MRPS28: variants seen among roughly 807,000 people sequenced by gnomAD.
MRPS28 encodes small ribosomal subunit protein bS1m.
In MRPS28, 7 loss-of-function variants were observed where a neutral mutation model predicts 10.8. The observed-to-expected ratio is 0.65, with a 90% CI of 0.37 to 1.22. The LOEUF is 1.22. Among genes scored for constraint, MRPS28 ranks in the 50% most tolerant of loss-of-function variants. MRPS28 has a pLI of 0.02. For missense variants in MRPS28, 265 were observed against 232.9 expected (o/e 1.14, Z -0.90); for synonymous variants, 121 against 93.3 (o/e 1.30, Z -1.71).
At chr8:80,022,427 T>C (rs1045528547) in intron 1 of MRPS28, among the ~76,000 whole-genome samples, 2 of 152,250 alleles carry the variant, frequency 1.3e-5, no homozygotes, top group Non-Finnish European at 1.5e-5. Flanking sequence ...GGATAAATAC[T>C]GTGTGTCCCA....
At chr8:79,985,735 G>C (rs1808138058) in intron 2 of MRPS28, among the ~76,000 whole-genome samples, 2 of 152,172 alleles carry the variant, frequency 1.3e-5, no homozygotes, top group South Asian at 4.1e-4. Context: ...GGAAGAAGTT[G>C]ACTCTCTGAA....
intron 2 of MRPS28, among the ~76,000 whole-genome samples, chr8:79,962,960 C>T (rs1013632410): frequency 2.6e-5 from 4 of 152,056 alleles, no homozygotes; most frequent in Non-Finnish European, 4.4e-5. Flanking sequence ...ATGTACTTGC[C>T]ATGCCTGGGG....
intron 2 of MRPS28, among the ~76,000 whole-genome samples, chr8:79,950,477 T>G (rs918328406): frequency 6.6e-6 from 1 of 152,180 alleles, no homozygotes; most frequent in South Asian, 2.1e-4. Flanking sequence ...AAGCCTTTGT[T>G]GAGAAAGGCT....
At chr8:79,938,541 T>C (rs1202904757) in intron 2 of MRPS28, among the ~76,000 whole-genome samples, 1 of 152,126 alleles carries the variant, frequency 6.6e-6, no homozygotes, top group Admixed American at 6.5e-5. Flanking sequence ...TGAGATACCT[T>C]ATGGTTGAAG....
chr8:79,948,070 C>G (rs1409944646), intron 2 of MRPS28, among the ~76,000 whole-genome samples: 5 of 151,444 alleles, frequency 3.3e-5, no homozygotes, highest in Non-Finnish European at 7.4e-5. Context: ...TCACTGCAAC[C>G]TCTACCTCCT....
At chr8:80,024,679 A>T (rs1563546019) in intron 1 of MRPS28, among the ~76,000 whole-genome samples, 1 of 152,244 alleles carries the variant, frequency 6.6e-6, no homozygotes, top group Non-Finnish European at 1.5e-5. Flanking sequence ...ATTTGTAATT[A>T]TTCAACCATC....
At chr8:80,018,286 ACT>A (rs1368258570) in intron 1 of MRPS28, among the ~76,000 whole-genome samples, 5 of 89,002 alleles carry the variant, frequency 5.6e-5, no homozygotes, top group Non-Finnish European at 7.7e-5. Flanking sequence ...ACAGAGCAAT[ACT>A]CTGTCTCAAA....
chr8:79,920,164 C>A (rs1414088581), intron 2 of MRPS28, among the ~76,000 whole-genome samples: 1 of 152,060 alleles, frequency 6.6e-6, no homozygotes, highest in East Asian at 1.9e-4. Flanking sequence ...TGTATATGTG[C>A]CACATTTTCT....
intron 2 of MRPS28, among the ~76,000 whole-genome samples, chr8:79,938,605 C>G (rs529896906): frequency 6.6e-6 from 1 of 152,252 alleles, no homozygotes; most frequent in African/African-American, 2.4e-5. Flanking sequence ...CAAAAAAGAA[C>G]CTTACTGTTG....
intron 2 of MRPS28, among the ~76,000 whole-genome samples, chr8:79,938,173 C>T (rs138767030): frequency 6.6e-6 from 1 of 150,564 alleles, no homozygotes; most frequent in Admixed American, 6.7e-5. Context: ...AAACATACTT[C>T]GGGGAAGTGC....
chr8:79,960,851 C>T (rs1330429319), intron 2 of MRPS28, among the ~76,000 whole-genome samples: 1 of 151,888 alleles, frequency 6.6e-6, no homozygotes, highest in Non-Finnish European at 1.5e-5. Flanking sequence ...AAGAAAGCAC[C>T]CTTTTAAGAT....
rs899694801 is a variant in MRPS28 at position 80,029,924 on chromosome 8, G to GC, written c.213+111dup. ...ACGCACCGCAACTCCGGAAAACTGG[G>GC]CCCCGGACCTCAGCTCCCCTTCCTA... On this transcript the variant is annotated intron_variant, in intron 1 of 2. Transcript: ENST00000276585. The GC allele has an allele frequency of 9.8e-6, 15 of 1,535,730 alleles. No homozygotes were observed. In the African/African-American group the frequency reaches 1.1e-4, roughly 11 times the overall value.
chr8:79,999,460 T>A (rs1248782164), intron 2 of MRPS28, among the ~76,000 whole-genome samples: 1 of 152,176 alleles, frequency 6.6e-6, no homozygotes, highest in African/African-American at 2.4e-5. Flanking sequence ...TCAATAATAT[T>A]TTCAAAGCAT....
chr8:79,984,344 G>T (rs1290461656), intron 2 of MRPS28, among the ~76,000 whole-genome samples: 1 of 152,188 alleles, frequency 6.6e-6, no homozygotes, highest in Non-Finnish European at 1.5e-5. Flanking sequence ...AGACCATCGA[G>T]GCTAGGAAGA....
chr8:79,949,804 C>A (rs376492384), intron 2 of MRPS28, among the ~76,000 whole-genome samples: 33 of 152,096 alleles, frequency 2.2e-4, no homozygotes, highest in African/African-American at 7.5e-4. Flanking sequence ...AATGAAATCA[C>A]CAACTAAAAA....
chr8:79,963,872 T>C (rs937667350), intron 2 of MRPS28, among the ~76,000 whole-genome samples: 2 of 152,010 alleles, frequency 1.3e-5, no homozygotes, highest in African/African-American at 4.8e-5. Flanking sequence ...ACATGACAGG[T>C]CAAGTGAGAA....
intron 1 of MRPS28, among the ~76,000 whole-genome samples, chr8:80,020,432 GA>G (rs1809324834): frequency 6.6e-6 from 1 of 152,130 alleles, no homozygotes; most frequent in Admixed American, 6.5e-5. Flanking sequence ...GGGGGCTTTA[GA>G]ATTTTATTTT....
In MRPS28 at chr8:80,017,634, G is replaced by C. The variant is rs78241537; in HGVS notation, c.213+12402C>G. ...TATACTTCCAAAACAGAAAGCCCCAGGTCCATATGGGTTCACTGGTGAGTT... is the reference window on the plus strand; with the variant it reads ...TATACTTCCAAAACAGAAAGCCCCACGTCCATATGGGTTCACTGGTGAGTT... On this transcript the variant is annotated intron_variant, in intron 1 of 2. Transcript: ENST00000276585. 6.0e-3 allele frequency among the ~76,000 whole-genome samples: 911 copies of C among 152,222 alleles called. 12 individuals carry two copies. The highest frequency in any genetic ancestry group is 0.021 in the African/African-American group (873 of 41,536).
intron 2 of MRPS28, among the ~76,000 whole-genome samples, chr8:79,925,982 G>A (rs542082969): frequency 1.4e-5 from 2 of 146,968 alleles, no homozygotes; most frequent in South Asian, 2.1e-4. Flanking sequence ...GCAAGACCCT[G>A]TAGAGAAAAG....
Sources: allele counts gnomAD v4.1 joint callset (sites outside exome capture counted in the v4.1 genomes callset), GRCh38; gene constraint gnomAD v4.1.1; transcripts MANE v1.5; gene names NCBI Gene and HGNC (gene_info 2026-07-23, HGNC 2026-07-21).